The following GRID2 variants were observed in gnomAD, a reference collection of about 807,000 sequenced individuals.
GRID2 encodes glutamate ionotropic receptor delta type subunit 2.
Under a neutral mutation model 114.8 loss-of-function variants are expected in GRID2, and 33 were observed. The ratio of observed to expected loss-of-function variants is 0.29; its 90% CI spans 0.22 to 0.38. GRID2 has a LOEUF of 0.38. Among genes scored for constraint, GRID2 ranks in the 10% least tolerant of loss-of-function variants. The probability of loss-of-function intolerance (pLI) is 1.00; values close to 1 mark genes in which losing one functional copy is unlikely to be tolerated. For missense variants in GRID2, 1,184 were observed against 1,257.7 expected (o/e 0.94, Z 0.89); for synonymous variants, 505 against 449.9 (o/e 1.12, Z -1.55).
chr4:92,980,952 C>G (rs965051248), intron 2 of GRID2, among the ~76,000 whole-genome samples: 3 of 152,056 alleles, frequency 2.0e-5, no homozygotes, highest in Admixed American at 6.6e-5. Flanking sequence ...TGGCAAGTCT[C>G]AAGGGCAGTC....
intron 2 of GRID2, among the ~76,000 whole-genome samples, chr4:92,749,010 T>A (rs963014161): frequency 6.6e-6 from 1 of 151,748 alleles, no homozygotes; most frequent in Non-Finnish European, 1.5e-5. Context: ...TTATTTATTT[T>A]TGGAGGCGGA....
At chr4:92,808,087 GGA>G (rs1185672671) in intron 2 of GRID2, among the ~76,000 whole-genome samples, 3 of 151,984 alleles carry the variant, frequency 2.0e-5, no homozygotes, top group African/African-American at 7.2e-5. Flanking sequence ...TGTCAGAGCA[GGA>G]GAGAGATTTT....
At chr4:92,830,390 G>C (rs1329560410) in intron 2 of GRID2, among the ~76,000 whole-genome samples, 1 of 151,166 alleles carries the variant, frequency 6.6e-6, no homozygotes, top group East Asian at 1.9e-4. Flanking sequence ...TACGTTTTGT[G>C]GTGCATAAAC....
chr4:92,935,338 C>T (rs1051400298), intron 2 of GRID2, among the ~76,000 whole-genome samples: 8 of 146,978 alleles, frequency 5.4e-5, no homozygotes, highest in Non-Finnish European at 7.5e-5. Context: ...CAATGAGATA[C>T]CATCTCACAC....
chr4:93,460,097 A>G lies in GRID2; in HGVS notation c.1858+4123A>G, dbSNP rs1244196569. Among the ~76,000 whole-genome samples, 5 of 152,170 alleles carry G rather than the reference A, an allele frequency of 3.3e-5. No individual in the cohort carries two copies. The South Asian group carries it at 1.0e-3, about 32-fold the overall frequency. Reference sequence around the variant, plus strand: ...TTCCAGTGTTGTCTCCTGCAAATATACGATTCACATACTTGCATATATACC... The same window carrying G: ...TTCCAGTGTTGTCTCCTGCAAATATGCGATTCACATACTTGCATATATACC... On this transcript the variant is annotated intron_variant, in intron 11 of 15. Transcript: ENST00000282020.
rs1742130352 is a variant in GRID2, at chr4:92,831,904, CA to C, written c.244+241622del. On this transcript the variant is annotated intron_variant, in intron 2 of 15. Coordinates refer to ENST00000282020, the MANE Select transcript of GRID2 (RefSeq NM_001510.4). ...TATACATCTATATAAATAAACCCCC[CA>C]AAATAAGAAAGTAAATAGAACATAA... 3.3e-5 allele frequency among the ~76,000 whole-genome samples: 5 copies of C among 151,874 alleles called. 1 individual carries two copies. The South Asian group carries it at 1.0e-3, about 32-fold the overall frequency.
At chr4:93,084,963 G>A (rs1730199739) in intron 2 of GRID2, 32 bp from the exon 3 acceptor site, 1 of 1,586,224 alleles carries the variant, frequency 6.3e-7, no homozygotes, top group Non-Finnish European at 8.6e-7. Flanking sequence ...GAAACCCACT[G>A]ACATTTTGAA....
chr4:93,429,261 A>C (rs1004084851), intron 10 of GRID2, among the ~76,000 whole-genome samples: 1 of 152,238 alleles, frequency 6.6e-6, no homozygotes, highest in Admixed American at 6.5e-5. Context: ...TCCCATCCCT[A>C]TAAGGCTCAC....
intron 2 of GRID2, among the ~76,000 whole-genome samples, chr4:92,763,749 T>G (rs2149347034): frequency 6.6e-6 from 1 of 152,236 alleles, no homozygotes; most frequent in East Asian, 1.9e-4. Context: ...TATTTGAGGT[T>G]AATAGTATTT....
At chr4:93,593,061 A>G (rs1738580394) in intron 13 of GRID2, among the ~76,000 whole-genome samples, 1 of 151,728 alleles carries the variant, frequency 6.6e-6, no homozygotes, top group Non-Finnish European at 1.5e-5. Context: ...ATTTACATTT[A>G]AAGTTAATAG....
At chr4:92,599,254 G>A (rs1166895635) in intron 2 of GRID2, among the ~76,000 whole-genome samples, 1 of 152,044 alleles carries the variant, frequency 6.6e-6, no homozygotes, top group Admixed American at 6.6e-5. Context: ...GCTTTCTGAT[G>A]ATTTGTGTAG....
At chr4:93,198,252 A>G (rs912457780) in intron 4 of GRID2, among the ~76,000 whole-genome samples, 1 of 152,226 alleles carries the variant, frequency 6.6e-6, no homozygotes, top group Admixed American at 6.5e-5. Flanking sequence ...GATGGTAAAT[A>G]AGTGACTCTG....
At chr4:92,657,132 G>T (rs184430388) in intron 2 of GRID2, among the ~76,000 whole-genome samples, 6 of 151,580 alleles carry the variant, frequency 4.0e-5, no homozygotes, top group African/African-American at 1.4e-4. Context: ...TATATATTTT[G>T]GGGAAGAAAG....
chr4:92,695,614 G>A (rs905307498), intron 2 of GRID2, among the ~76,000 whole-genome samples: 1 of 151,964 alleles, frequency 6.6e-6, no homozygotes, highest in African/African-American at 2.4e-5. Flanking sequence ...AGCATCTGAG[G>A]AACAAATGCT....
intron 1 of GRID2, among the ~76,000 whole-genome samples, chr4:92,457,332 T>G (rs1250606943): frequency 6.6e-6 from 1 of 152,134 alleles, no homozygotes; most frequent in Non-Finnish European, 1.5e-5. Flanking sequence ...TCCATTGAAT[T>G]ATTTATGTTT....
At chr4:92,501,470 G>A (rs1438441333) in intron 1 of GRID2, among the ~76,000 whole-genome samples, 1 of 152,184 alleles carries the variant, frequency 6.6e-6, no homozygotes, top group Non-Finnish European at 1.5e-5. Context: ...GGAATGGAGA[G>A]CATGTCAACT....
chr4:92,776,754 G>A (rs1281253569), intron 2 of GRID2, among the ~76,000 whole-genome samples: 1 of 151,964 alleles, frequency 6.6e-6, no homozygotes, highest in African/African-American at 2.4e-5. Flanking sequence ...TCATTTTAAA[G>A]AAGATAGTTA....
At chr4:92,720,535 A>G (rs1196750828) in intron 2 of GRID2, among the ~76,000 whole-genome samples, 1 of 151,678 alleles carries the variant, frequency 6.6e-6, no homozygotes, top group Admixed American at 6.6e-5. Flanking sequence ...TCCATCTCAA[A>G]TAAATAAATA....
intron 2 of GRID2, among the ~76,000 whole-genome samples, chr4:92,789,756 A>C (rs1174808974): frequency 6.6e-6 from 1 of 151,894 alleles, no homozygotes; most frequent in Non-Finnish European, 1.5e-5. Context: ...TACAGTTTTA[A>C]ATATTTAGTT....
Sources: allele counts gnomAD v4.1 joint callset (sites outside exome capture counted in the v4.1 genomes callset), GRCh38; gene constraint gnomAD v4.1.1; transcripts MANE v1.5; gene names NCBI Gene and HGNC (gene_info 2026-07-23, HGNC 2026-07-21).